Variants in POU2F2 observed in about 807,000 individuals in gnomAD.
POU2F2 encodes POU class 2 homeobox 2, also known as POU domain, class 2, transcription factor 2.
Under a neutral mutation model 63.5 loss-of-function variants are expected in POU2F2, and 14 were observed. The observed-to-expected ratio is 0.22, with a 90% confidence interval of 0.15 to 0.34. POU2F2 has a LOEUF of 0.34. POU2F2 is among the 10% of genes least tolerant of loss of function. The probability of loss-of-function intolerance (pLI) is 1.00; values close to 1 mark genes in which losing one functional copy is unlikely to be tolerated. For synonymous variants in POU2F2, 306 were observed against 348.6 expected, an observed-to-expected ratio of 0.88 and a Z score of 1.36; for missense variants, 607 against 815.2, an observed-to-expected ratio of 0.74 and a Z score of 3.11.
chr19:42,169,617 C>A lies in POU2F2; in HGVS notation c.-70+6346G>T, dbSNP rs930226489. Among the ~76,000 whole-genome samples the A allele has an allele frequency of 2.6e-5, 4 of 152,170 alleles. No individual in the cohort carries two copies. Among genetic ancestry groups the A allele is most frequent in the Non-Finnish European group, 2.9e-5 (2 of 68,028 alleles). ...GGGTGCACATGGCTACCATGTGTTT[C>A]AGAATCTGTGTATGTCTCTTGCAGG... On this transcript the variant is annotated intron_variant, in intron 1 of 6. Coordinates refer to the POU2F2 transcript ENST00000524801. This position sits in a 1 kb window ranked among gnomAD's most constrained non-coding sequence, Gnocchi z 4.3.
At chr19:42,151,447 T>C (rs1006830732) in intron 2 of POU2F2, among the ~76,000 whole-genome samples, 19 of 150,826 alleles carry the variant, frequency 1.3e-4, no homozygotes, top group Admixed American at 5.9e-4. Context: ...CCCTGGGGAG[T>C]TGGGGGCTGG....
upstream of POU2F2, among the ~76,000 whole-genome samples, chr19:42,135,981 G>A (rs145506413): frequency 6.6e-6 from 1 of 152,122 alleles, no homozygotes; most frequent in East Asian, 1.9e-4. Flanking sequence ...AAAGTGCTGG[G>A]ATTACAGACA....
At chr19:42,114,756 G>A (rs1480930714) in intron 5 of POU2F2, among the ~76,000 whole-genome samples, 4 of 152,192 alleles carry the variant, frequency 2.6e-5, no homozygotes, top group African/African-American at 9.7e-5. Context: ...GAGGATTCAT[G>A]GGAGCAAAGA....
chr19:42,095,996 C>A lies in POU2F2; in HGVS notation c.730-67G>T. 6.2e-7 allele frequency: 1 copy of A among 1,600,846 alleles called. No homozygotes were observed. Among genetic ancestry groups the A allele is most frequent in the Non-Finnish European group, 8.5e-7 (1 of 1,174,416 alleles). ...GCCTTCCGGCACTGGGCCCGCTCCG[C>A]CCGCCCACTGGCCACGCCCCTCGCG... On this transcript the variant is annotated intron_variant, in intron 8 of 14. Transcript: ENST00000692977. This position sits in a 1 kb window ranked among gnomAD's most constrained non-coding sequence, Gnocchi z 7.1.
At chr19:42,184,573 C>A (rs1016325624) in intron 1 of POU2F2, among the ~76,000 whole-genome samples, 5 of 152,152 alleles carry the variant, frequency 3.3e-5, no homozygotes, top group African/African-American at 1.2e-4. Flanking sequence ...CCAGGCCCAG[C>A]ATGCCCTTCC....
At chr19:42,106,226 C>T (rs931609369) in intron 5 of POU2F2, among the ~76,000 whole-genome samples, 6 of 151,984 alleles carry the variant, frequency 3.9e-5, no homozygotes, top group African/African-American at 1.5e-4. Flanking sequence ...CTGCCTCAGA[C>T]TTCCAAGTAG....
At chr19:42,121,389 C>A (rs535440318) in intron 4 of POU2F2, among the ~76,000 whole-genome samples, 2 of 152,136 alleles carry the variant, frequency 1.3e-5, no homozygotes, top group Non-Finnish European at 2.9e-5. Context: ...CCCCCTCCCC[C>A]CTGACCAATG....
chr19:42,107,389 T>C (rs1333616899), intron 5 of POU2F2, among the ~76,000 whole-genome samples: 5 of 152,134 alleles, frequency 3.3e-5, no homozygotes, highest in African/African-American at 9.7e-5. Flanking sequence ...TAAAAAAATA[T>C]AGGCATCAAA....
At chr19:42,171,045 G>A (rs1307108233) in intron 1 of POU2F2, among the ~76,000 whole-genome samples, 1 of 152,244 alleles carries the variant, frequency 6.6e-6, no homozygotes. Flanking sequence ...CGGACCAATG[G>A]AACCCTTTTG....
intron 1 of POU2F2, among the ~76,000 whole-genome samples, chr19:42,181,961 G>A (rs1006532200): frequency 6.6e-6 from 1 of 152,170 alleles, no homozygotes. Flanking sequence ...ATGTGTGTGC[G>A]TGTGTGTACA....
In POU2F2 at chr19:42,092,561, G is replaced by A. The variant is rs1035636084; in HGVS notation, c.1265-291C>T. Among the ~76,000 whole-genome samples, 10 of 152,190 alleles carry A rather than the reference G, an allele frequency of 6.6e-5. No homozygotes were observed. Among genetic ancestry groups the A allele is most frequent in the African/African-American group, 2.4e-4 (10 of 41,448 alleles). On this transcript the variant is annotated intron_variant, in intron 12 of 14. Coordinates refer to ENST00000692977, the MANE Select transcript of POU2F2 (RefSeq NM_001394376.1). The surrounding 1 kb of genome is among the most constrained non-coding windows in gnomAD (Gnocchi z 5.0). ...ACCGACTAGAAACGGGGGTGCCCAG[G>A]AGACAAAGCCCTATGGCTCCCTCTA...
At chr19:42,129,052 C>T (rs2033463033) in intron 1 of POU2F2, among the ~76,000 whole-genome samples, 1 of 151,998 alleles carries the variant, frequency 6.6e-6, no homozygotes, top group South Asian at 2.1e-4. Context: ...AGGCTGGTCT[C>T]GAACTCCTGA....
Position 42,131,051 on chromosome 19 carries a change from C to T in POU2F2, c.28+1333G>A, listed in dbSNP as rs4803527. On this transcript the variant is annotated intron_variant, in intron 1 of 14. Transcript: ENST00000692977. Reference sequence around the variant, plus strand: ...CCTCATCCCAGCCCCAACCCCTCTACCTTTGTCCCCCCATCCCACCCCGAC... The same window carrying T: ...CCTCATCCCAGCCCCAACCCCTCTATCTTTGTCCCCCCATCCCACCCCGAC... Among the ~76,000 whole-genome samples, 109 of 117,798 alleles carry T rather than the reference C, an allele frequency of 9.3e-4. 5 individuals carry two copies. In the Admixed American group the frequency reaches 9.5e-3, roughly 10 times the overall value. The allele number at this position is 117,798 out of a possible 152,430, so 77.3% of individuals were successfully genotyped here.
At chr19:42,158,256 C>G (rs2034493423) in intron 2 of POU2F2, among the ~76,000 whole-genome samples, 1 of 152,168 alleles carries the variant, frequency 6.6e-6, no homozygotes, top group South Asian at 2.1e-4. Flanking sequence ...ATTGAAAAAC[C>G]AACAAGTGGC....
At chr19:42,102,326 GA>G (rs1280848091) in intron 5 of POU2F2, among the ~76,000 whole-genome samples, 1 of 152,220 alleles carries the variant, frequency 6.6e-6, no homozygotes. Context: ...AGTAAAGACT[GA>G]AAAGGGACAC....
At position 42,122,199 on chromosome 19, in the gene POU2F2, G is replaced by A; in HGVS notation, c.130-17C>T. The A allele has an allele frequency of 6.2e-7, 1 of 1,609,424 alleles. No individual in the cohort carries two copies. Among genetic ancestry groups the A allele is most frequent in the Non-Finnish European group, 8.5e-7 (1 of 1,176,652 alleles). On this transcript the variant is annotated splice_polypyrimidine_tract_variant and intron_variant, in intron 3 of 14. Coordinates refer to ENST00000692977, the MANE Select transcript of POU2F2 (RefSeq NM_001394376.1). ...TTGGGGGTTCTGCAAAGAGAAAGTAGGAGCAAGGGGATGGGAATAGTGCAG... is the reference window on the plus strand; with the variant it reads ...TTGGGGGTTCTGCAAAGAGAAAGTAAGAGCAAGGGGATGGGAATAGTGCAG...
chr19:42,197,863 C>A (rs936320085), upstream of POU2F2, among the ~76,000 whole-genome samples: 1 of 152,200 alleles, frequency 6.6e-6, no homozygotes, highest in East Asian at 1.9e-4. Flanking sequence ...AGCTGGCCCA[C>A]CTCACTGAAC....
Position 42,122,047 on chromosome 19 carries a change from C to A in POU2F2, c.186+79G>T, listed in dbSNP as rs534497767. On this transcript the variant is annotated intron_variant, in intron 4 of 14. Coordinates refer to ENST00000692977, the MANE Select transcript of POU2F2 (RefSeq NM_001394376.1). ...GTACCAAGGCTCAGTGCTCTCTCAG[C>A]CCTTGGACTGAGGCAGGCCTCCTGA... 396 of 1,410,446 alleles carry A rather than the reference C, an allele frequency of 2.8e-4. 5 individuals are homozygous for A. In the South Asian group the frequency reaches 4.5e-3, roughly 16 times the overall value. 87.4% of individuals were successfully genotyped at this position (1,410,446 alleles called of 1,614,324 possible).
At chr19:42,166,642 G>T (rs1440078833) in intron 1 of POU2F2, among the ~76,000 whole-genome samples, 1 of 152,100 alleles carries the variant, frequency 6.6e-6, no homozygotes, top group Non-Finnish European at 1.5e-5. Flanking sequence ...GTCAGGGGGT[G>T]AGCAGATCTG....
Sources: allele counts gnomAD v4.1 joint callset (sites outside exome capture counted in the v4.1 genomes callset), GRCh38; gene constraint gnomAD v4.1.1; non-coding constraint Gnocchi (gnomAD v3.1); transcripts MANE v1.5; gene names NCBI Gene and HGNC (gene_info 2026-07-23, HGNC 2026-07-21).